The following CAMTA1 variants were observed in gnomAD, a reference collection of about 807,000 sequenced individuals.
CAMTA1 encodes calmodulin-binding transcription activator 1.
CAMTA1 carries 27 observed loss-of-function variants against 170.9 expected under a neutral mutation model. That is an observed-to-expected ratio of 0.16 (90% confidence interval 0.12 to 0.22). The LOEUF is 0.22. CAMTA1 is among the 10% of genes least tolerant of loss of function. The probability of loss-of-function intolerance (pLI) is 1.00; values close to 1 mark genes in which losing one functional copy is unlikely to be tolerated. For synonymous variants in CAMTA1, 833 were observed against 891.5 expected, an observed-to-expected ratio of 0.93 and a Z score of 1.17; for missense variants, 1,619 against 2,217.2, an observed-to-expected ratio of 0.73 and a Z score of 5.42.
At chr1:7,510,788 G>T (rs561918229) in intron 6 of CAMTA1, among the ~76,000 whole-genome samples, 2 of 145,350 alleles carry the variant, frequency 1.4e-5, no homozygotes, top group African/African-American at 4.9e-5. Flanking sequence ...CCTGCTCCAG[G>T]ATGGCTCTCT....
chr1:7,087,705 C>T (rs1640927805), intron 3 of CAMTA1, among the ~76,000 whole-genome samples: 1 of 152,182 alleles, frequency 6.6e-6, no homozygotes, highest in Non-Finnish European at 1.5e-5. Flanking sequence ...TGTAAAGTGG[C>T]CATGGTTCCT....
chr1:6,882,902 C>CTGGAAGGGGGTGTCT (rs1390879645), intron 3 of CAMTA1, among the ~76,000 whole-genome samples: 17 of 151,972 alleles, frequency 1.1e-4, no homozygotes, highest in Non-Finnish European at 1.5e-5. Flanking sequence ...TGGGGGTGTC[C>CTGGAAGGGGGTGTCT]TGGAAGTGCA....
intron 6 of CAMTA1, among the ~76,000 whole-genome samples, chr1:7,476,768 C>T (rs2093426147): frequency 6.6e-6 from 1 of 152,158 alleles, no homozygotes; most frequent in Non-Finnish European, 1.5e-5. Flanking sequence ...ATGCAAGCTC[C>T]CCACAGCTGA....
intron 9 of CAMTA1, among the ~76,000 whole-genome samples, chr1:7,670,007 C>A (rs115467490): frequency 1.3e-5 from 2 of 152,220 alleles, no homozygotes; most frequent in African/African-American, 4.8e-5. Context: ...CTGGTCGGAA[C>A]GGGGAGTCAG....
intron 5 of CAMTA1, among the ~76,000 whole-genome samples, chr1:7,331,017 A>T (rs2082998247): frequency 6.6e-6 from 1 of 152,138 alleles, no homozygotes; most frequent in Non-Finnish European, 1.5e-5. Context: ...AGGCGGGTGG[A>T]TCACCTGAGG....
intron 1 of CAMTA1, among the ~76,000 whole-genome samples, chr1:6,791,215 G>C (rs577907791): frequency 6.6e-6 from 1 of 151,022 alleles, no homozygotes; most frequent in African/African-American, 2.4e-5. Flanking sequence ...CACATAGAGA[G>C]GTTTCTTCAC....
intron 4 of CAMTA1, among the ~76,000 whole-genome samples, chr1:7,112,997 C>T (rs554587868): frequency 5.8e-4 from 89 of 152,296 alleles, no homozygotes; most frequent in Middle Eastern, 6.8e-3. Flanking sequence ...AAACCTTTCC[C>T]GGCAGCCTCA....
chr1:7,550,926 C>T (rs2094792611), intron 6 of CAMTA1, among the ~76,000 whole-genome samples: 1 of 152,126 alleles, frequency 6.6e-6, no homozygotes, highest in African/African-American at 2.4e-5. Context: ...CTCTCTCTGC[C>T]CCCTCCCCAC....
chr1:7,510,016 A>ATAGCCCAAAGGCACAGG (rs1264982908), intron 6 of CAMTA1, among the ~76,000 whole-genome samples: 4 of 122,158 alleles, frequency 3.3e-5, no homozygotes, highest in South Asian at 2.8e-4. Context: ...CAAACAACAA[A>ATAGCCCAAAGGCACAGG]AAAAAAAAAC....
intron 6 of CAMTA1, among the ~76,000 whole-genome samples, chr1:7,499,420 AT>A (rs1157223524): frequency 3.5e-4 from 23 of 66,302 alleles, no homozygotes; most frequent in African/African-American, 1.1e-3. Flanking sequence ...TGTAGAGAGG[AT>A]TGTGTGAGCC....
chr1:7,314,743 C>T (rs573745633), intron 5 of CAMTA1, among the ~76,000 whole-genome samples: 3 of 152,286 alleles, frequency 2.0e-5, no homozygotes, highest in Middle Eastern at 3.4e-3. Flanking sequence ...AAATCTTTCA[C>T]ATTTCTGACA....
At chr1:6,946,089 T>C (rs1160742675) in intron 3 of CAMTA1, among the ~76,000 whole-genome samples, 1 of 152,216 alleles carries the variant, frequency 6.6e-6, no homozygotes, top group Non-Finnish European at 1.5e-5. Context: ...GCCAGCCTGT[T>C]TTCCAAAGCT....
intron 3 of CAMTA1, among the ~76,000 whole-genome samples, chr1:6,920,187 T>G (rs1288707829): frequency 6.6e-6 from 1 of 152,166 alleles, no homozygotes; most frequent in Non-Finnish European, 1.5e-5. Context: ...GTACATGTAT[T>G]GGGTAAACAC....
chr1:6,860,655 A>G (rs1338898530), intron 3 of CAMTA1, among the ~76,000 whole-genome samples: 2 of 152,142 alleles, frequency 1.3e-5, no homozygotes, highest in African/African-American at 4.8e-5. Flanking sequence ...CACACCCGTA[A>G]TCTCAGCACT....
chr1:7,152,390 A>G (rs1470922197), intron 4 of CAMTA1, among the ~76,000 whole-genome samples: 5 of 152,124 alleles, frequency 3.3e-5, no homozygotes, highest in African/African-American at 1.2e-4. Context: ...GGGAAGGCAA[A>G]TGGAGACTTT....
At chr1:7,485,970 C>T (rs925980503) in intron 6 of CAMTA1, among the ~76,000 whole-genome samples, 19 of 152,244 alleles carry the variant, frequency 1.2e-4, no homozygotes, top group Admixed American at 1.2e-3. Flanking sequence ...AGTGCACGCT[C>T]ACAACATTAG....
intron 4 of CAMTA1, among the ~76,000 whole-genome samples, chr1:7,165,029 T>C (rs1338001346): frequency 6.6e-6 from 1 of 152,144 alleles, no homozygotes; most frequent in Non-Finnish European, 1.5e-5. Context: ...AGCTGAAAAA[T>C]GTTGAAAGCA....
chr1:7,665,161 A>G lies in CAMTA1; in HGVS notation c.2614A>G (p.Met872Val), dbSNP rs560370147. The G allele has an allele frequency of 1.1e-5, 17 of 1,495,768 alleles. No homozygotes were observed. Among genetic ancestry groups the G allele is most frequent in the African/African-American group, 1.4e-5 (1 of 71,500 alleles). The allele number at this position is 1,495,768 out of a possible 1,614,324, so 92.7% of individuals were successfully genotyped here. Residue 872 changes from methionine (M) to valine (V), a missense_variant, in exon 9 of 23, where the codon ATG becomes GTG. Coordinates refer to ENST00000303635, the MANE Select transcript of CAMTA1 (RefSeq NM_015215.4). This position sits in a 1 kb window ranked among gnomAD's most constrained non-coding sequence, Gnocchi z 4.3. ...GCTGCAGCAGAGCGGACGGGTGTTC[A>G]TGGTGACCGACTACTCCCCAGAGTG... ...GMLQQSGRVF[M>V]VTDYSPEWSY...
intron 5 of CAMTA1, among the ~76,000 whole-genome samples, chr1:7,349,218 T>C (rs191426117): frequency 7.2e-5 from 11 of 152,308 alleles, no homozygotes; most frequent in Admixed American, 2.6e-4. Flanking sequence ...ACCAGCGTGC[T>C]TTACATTTAT....
Sources: gnomAD v4.1 joint callset for allele counts (sites outside exome capture counted in the v4.1 genomes callset) on GRCh38, gnomAD v4.1.1 for gene constraint, Gnocchi (gnomAD v3.1) non-coding constraint, MANE v1.5 for transcripts, NCBI Gene and HGNC (gene_info 2026-07-23, HGNC 2026-07-21) for gene names.